Variants in HSPA12A observed in about 807,000 individuals in gnomAD.
HSPA12A encodes the protein heat shock protein family A (Hsp70) member 12A, also known as heat shock 70 kDa protein 12A.
HSPA12A carries 28 observed loss-of-function variants against 69.2 expected under a neutral mutation model. The observed-to-expected ratio is 0.40, with a 90% CI of 0.30 to 0.55. The LOEUF (loss-of-function observed/expected upper bound fraction) is 0.55. Ranked by LOEUF, HSPA12A falls within the 20% of genes least tolerant of loss-of-function variation. HSPA12A has a pLI of 0.38. For synonymous variants in HSPA12A, 345 were observed against 370.5 expected (o/e 0.93, Z 0.79); for missense variants, 686 against 900.7 (o/e 0.76, Z 3.05).
Position 116,681,115 on chromosome 10 carries a change from G to A in HSPA12A, c.1027+37C>T, listed in dbSNP as rs113747528. 2.1e-6 allele frequency: 3 copies of A among 1,404,068 alleles called. No homozygotes were observed. The East Asian group carries it at 6.9e-5, about 32-fold the overall frequency. The allele number at this position is 1,404,068 out of a possible 1,614,324, so 87.0% of individuals were successfully genotyped here. On this transcript the variant is annotated intron_variant, in intron 9 of 11. Transcript: ENST00000369209. ...GTGAAAACAGAACTGCCTGGAATTG[G>A]CTCAGGAATAAGAAAATTAGCCCTG...
chr10:116,800,507 T>A (rs1464679200), intron 2 of HSPA12A, among the ~76,000 whole-genome samples: 1 of 152,238 alleles, frequency 6.6e-6, no homozygotes, highest in South Asian at 2.1e-4. Flanking sequence ...CAGTGGGAAC[T>A]GAGCCTTTGT....
chr10:116,774,014 CTT>C (rs781996886), intron 2 of HSPA12A, among the ~76,000 whole-genome samples: 4 of 144,902 alleles, frequency 2.8e-5, no homozygotes, highest in Non-Finnish European at 1.5e-5. Flanking sequence ...GTGGCAAGGG[CTT>C]TTTTTTTTTT....
At chr10:116,679,258 T>C (rs143224525) in intron 10 of HSPA12A, among the ~76,000 whole-genome samples, 1 of 152,344 alleles carries the variant, frequency 6.6e-6, no homozygotes, top group Non-Finnish European at 1.5e-5. Flanking sequence ...GTCCCAGGCA[T>C]TGTTCTAAGC....
At position 116,675,215 on chromosome 10, in the gene HSPA12A, G is replaced by A. The variant is rs782186172; in HGVS notation, c.1594C>T (p.Arg532Trp). 11 of 1,613,552 alleles carry A rather than the reference G, an allele frequency of 6.8e-6. No individual in the cohort carries two copies. Among genetic ancestry groups the A allele is most frequent in the South Asian group, 2.2e-5 (2 of 91,080 alleles). ...GLDPAVIKVR[R>W]SPLTYGVGVL... is the part of the protein sequence containing the mutation. ...CCTACCCCGTAGGTGAGCGGCGACC[G>A]GCGCACCTTGATGACCGCGGGGTCC... The change falls in exon 12 of 12, where the codon CGG becomes TGG. Residue 532 changes from arginine to tryptophan, a missense_variant. Coordinates refer to ENST00000369209, the MANE Select transcript of HSPA12A (RefSeq NM_025015.3). This position sits in a 1 kb window ranked among gnomAD's most constrained non-coding sequence, Gnocchi z 5.2.
At position 116,679,606 on chromosome 10, in the gene HSPA12A, G is replaced by C; in HGVS notation, c.1183C>G (p.Pro395Ala). Residue 395 changes from proline (P) to alanine (A), a missense_variant, in exon 10 of 12, where the codon CCA (proline) becomes GCA (alanine). Coordinates refer to ENST00000369209, the MANE Select transcript of HSPA12A (RefSeq NM_025015.3). Reference protein sequence around the residue: ...AFESRKRAAAPDRTNPLNITL... With the variant: ...AFESRKRAAAADRTNPLNITL... ...ATGTTCAGCGGGTTAGTTCTGTCTGGGGCAGCCGCCCTTTTGCGAGACTCA... is the reference window on the plus strand; with the variant it reads ...ATGTTCAGCGGGTTAGTTCTGTCTGCGGCAGCCGCCCTTTTGCGAGACTCA... 4 of 1,614,228 alleles carry C rather than the reference G, an allele frequency of 2.5e-6. No individual in the cohort carries two copies. The highest frequency in any genetic ancestry group is 3.4e-6 in the Non-Finnish European group (4 of 1,180,052).
chr10:116,808,110 C>G (rs12412280), intron 2 of HSPA12A, among the ~76,000 whole-genome samples: 2 of 152,262 alleles, frequency 1.3e-5, no homozygotes, highest in African/African-American at 4.8e-5. Context: ...TTTGGAAAGA[C>G]TGAAGGTTTC....
intron 3 of HSPA12A, among the ~76,000 whole-genome samples, chr10:116,703,700 A>G (rs1408800779): frequency 6.6e-6 from 1 of 152,244 alleles, no homozygotes; most frequent in Non-Finnish European, 1.5e-5. Flanking sequence ...TGGGCTTCCA[A>G]AGATTCGAGG....
intron 1 of HSPA12A, among the ~76,000 whole-genome samples, chr10:116,720,289 T>C (rs528210611): frequency 8.5e-5 from 13 of 152,136 alleles, no homozygotes; most frequent in Non-Finnish European, 8.8e-5. Flanking sequence ...CCTCTGTGCC[T>C]GGTAGAGTTG....
chr10:116,711,667 C>T (rs373712624), intron 1 of HSPA12A, among the ~76,000 whole-genome samples: 69 of 126,834 alleles, frequency 5.4e-4, no homozygotes, highest in Middle Eastern at 4.3e-3. Flanking sequence ...CTTTTTTTTT[C>T]TTTTTTTTTT....
chr10:116,688,165 G>T (rs1849631816), intron 6 of HSPA12A, among the ~76,000 whole-genome samples: 1 of 152,156 alleles, frequency 6.6e-6, no homozygotes, highest in Admixed American at 6.5e-5. Context: ...TTTTCTAACA[G>T]CAACGCTCAG....
chr10:116,739,861 G>C (rs1441511836), intron 1 of HSPA12A, among the ~76,000 whole-genome samples: 1 of 151,916 alleles, frequency 6.6e-6, no homozygotes, highest in South Asian at 2.1e-4. Context: ...TGTTTCATTG[G>C]CACGCACCTC....
chr10:116,745,214 T>C (rs1334849263), upstream of HSPA12A, among the ~76,000 whole-genome samples: 1 of 152,234 alleles, frequency 6.6e-6, no homozygotes, highest in Non-Finnish European at 1.5e-5. Flanking sequence ...GAACAGCGCC[T>C]GGTACATGGC....
At position 116,686,889 on chromosome 10, in the gene HSPA12A, C is replaced by T. The variant is rs1849592478; in HGVS notation, c.664-2927G>A. Reference sequence around the variant, plus strand: ...ACACCATAAGCTCCGCCCCTCATCCCTCTTCCCACACTGTAAGCTCTGCCC... The same window carrying T: ...ACACCATAAGCTCCGCCCCTCATCCTTCTTCCCACACTGTAAGCTCTGCCC... On this transcript the variant is annotated intron_variant, in intron 6 of 11. Transcript: ENST00000369209. This position sits in a 1 kb window ranked among gnomAD's most constrained non-coding sequence, Gnocchi z 4.1. Among the ~76,000 whole-genome samples, 1 of 152,032 alleles carries T rather than the reference C, an allele frequency of 6.6e-6. No homozygotes were observed. Among genetic ancestry groups the T allele is most frequent in the South Asian group, 2.1e-4 (1 of 4,814 alleles).
intron 2 of HSPA12A, among the ~76,000 whole-genome samples, chr10:116,764,378 A>G (rs1014639807): frequency 4.6e-5 from 7 of 152,224 alleles, no homozygotes; most frequent in African/African-American, 1.2e-4. Flanking sequence ...AGATTCACTC[A>G]ATGAAATTCT....
At chr10:116,774,393 G>A (rs1337498782) in intron 2 of HSPA12A, among the ~76,000 whole-genome samples, 1 of 152,182 alleles carries the variant, frequency 6.6e-6, no homozygotes, top group Non-Finnish European at 1.5e-5. Context: ...TTCAGTCCCT[G>A]ACCAGTGTGG....
At chr10:116,737,487 G>A (rs1851350517) in intron 1 of HSPA12A, among the ~76,000 whole-genome samples, 1 of 152,148 alleles carries the variant, frequency 6.6e-6, no homozygotes, top group Non-Finnish European at 1.5e-5. Flanking sequence ...TCCGTCTTGA[G>A]GCCCGGATGG....
chr10:116,753,201 T>C (rs1460179122), intron 2 of HSPA12A, among the ~76,000 whole-genome samples: 1 of 152,192 alleles, frequency 6.6e-6, no homozygotes, highest in Non-Finnish European at 1.5e-5. Flanking sequence ...TCCATGATCC[T>C]GCAGGGCAAA....
chr10:116,716,408 G>A (rs1850605617), intron 1 of HSPA12A, among the ~76,000 whole-genome samples: 1 of 146,348 alleles, frequency 6.8e-6, no homozygotes. Flanking sequence ...GTGACCCTTT[G>A]TACAAGCTCT....
intron 5 of HSPA12A, among the ~76,000 whole-genome samples, chr10:116,696,322 C>G (rs149855064): frequency 6.6e-6 from 1 of 152,100 alleles, no homozygotes. Flanking sequence ...ATAATCCCCA[C>G]GTGTCAAGGG....
Sources: gnomAD v4.1 joint callset for allele counts (sites outside exome capture counted in the v4.1 genomes callset) on GRCh38, gnomAD v4.1.1 for gene constraint, Gnocchi (gnomAD v3.1) non-coding constraint, MANE v1.5 for transcripts, NCBI Gene and HGNC (gene_info 2026-07-23, HGNC 2026-07-21) for gene names.